RBFOX1: variants seen among roughly 807,000 people sequenced by gnomAD.
The protein encoded by RBFOX1 is RNA binding protein fox-1 homolog 1.
In RBFOX1, 8 loss-of-function variants were observed where a neutral mutation model predicts 57.7. The observed-to-expected ratio is 0.14, with a 90% confidence interval of 0.08 to 0.25. The LOEUF is 0.25. Ranked by LOEUF, RBFOX1 falls within the 10% of genes least tolerant of loss-of-function variation. The pLI is 1.00. For missense variants in RBFOX1, 611 were observed against 548.5 expected (o/e 1.11, Z -1.14); for synonymous variants, 326 against 222.4 (o/e 1.47, Z -4.15).
At chr16:6,813,219 A>C (rs1473153251) in intron 3 of RBFOX1, among the ~76,000 whole-genome samples, 1 of 152,090 alleles carries the variant, frequency 6.6e-6, no homozygotes, top group Non-Finnish European at 1.5e-5. Context: ...TTGGCTAATT[A>C]CTGAAATTTA....
chr16:7,443,857 C>T (rs547845007), intron 4 of RBFOX1, among the ~76,000 whole-genome samples: 4 of 152,270 alleles, frequency 2.6e-5, no homozygotes, highest in African/African-American at 9.6e-5. Flanking sequence ...TAGGGATGCA[C>T]GTGGCGTGAA....
At chr16:7,232,548 A>G (rs1205923548) in intron 4 of RBFOX1, among the ~76,000 whole-genome samples, 2 of 152,152 alleles carry the variant, frequency 1.3e-5, no homozygotes, top group East Asian at 1.9e-4. Context: ...CTTTTAAAGA[A>G]TGAGATAACA....
chr16:5,843,153 A>G (rs1327475862), intron 3 of RBFOX1, among the ~76,000 whole-genome samples: 1 of 152,058 alleles, frequency 6.6e-6, no homozygotes. Flanking sequence ...ATCTTTCATT[A>G]TAGGTTCAGG....
At position 6,987,039 on chromosome 16, in the gene RBFOX1, G is replaced by A. The variant is rs570586167; in HGVS notation, c.-15-65018G>A. Reference sequence around the variant, plus strand: ...GAGTGGAATGAAACTTGCAAATAAGGCCTTGTGGAGAGCCTGCCCTCTTCC... The same window carrying A: ...GAGTGGAATGAAACTTGCAAATAAGACCTTGTGGAGAGCCTGCCCTCTTCC... On this transcript the variant is annotated intron_variant, in intron 3 of 15. Transcript: ENST00000550418. Among the ~76,000 whole-genome samples the A allele has an allele frequency of 5.9e-5, 9 of 152,180 alleles. 1 individual carries two copies. In the East Asian group the frequency reaches 1.7e-3, roughly 30 times the overall value.
rs375767593 is a variant in RBFOX1, at chr16:5,801,707, A to G, written c.319-65596A>G. ...TAATGGCAGGCACAATGTGCCTTTG[A>G]TAGAGATGAACCATCTGGTGGGTTT... On this transcript the variant is annotated intron_variant, in intron 3 of 19. Transcript: ENST00000641259. 5.3e-5 allele frequency among the ~76,000 whole-genome samples: 8 copies of G among 152,208 alleles called. No individual in the cohort carries two copies. The East Asian group carries it at 1.2e-3, about 22-fold the overall frequency.
At chr16:6,008,055 A>G (rs1468441008) in intron 4 of RBFOX1, among the ~76,000 whole-genome samples, 2 of 152,124 alleles carry the variant, frequency 1.3e-5, no homozygotes, top group African/African-American at 2.4e-5. Flanking sequence ...AACACAAAAC[A>G]TTAGCCAGGC....
At chr16:6,519,029 T>C (rs990675323) in intron 2 of RBFOX1, among the ~76,000 whole-genome samples, 11 of 151,820 alleles carry the variant, frequency 7.2e-5, no homozygotes, top group African/African-American at 2.2e-4. Context: ...TGTGAGAAGA[T>C]AAACACTTAA....
intron 4 of RBFOX1, among the ~76,000 whole-genome samples, chr16:7,110,187 CAAAAA>C (rs59148096): frequency 8.1e-5 from 11 of 135,144 alleles, no homozygotes; most frequent in East Asian, 2.2e-4. Context: ...CCCCGTGTCT[CAAAAA>C]AAAAAAAAAA....
At chr16:5,433,545 C>A (rs903403365) in intron 1 of RBFOX1, among the ~76,000 whole-genome samples, 8 of 152,060 alleles carry the variant, frequency 5.3e-5, no homozygotes, top group African/African-American at 1.2e-4. Flanking sequence ...GGGAGGGAGG[C>A]AGAGTAAGTG....
At chr16:5,533,668 G>C (rs1303933996) in intron 2 of RBFOX1, among the ~76,000 whole-genome samples, 1 of 152,116 alleles carries the variant, frequency 6.6e-6, no homozygotes, top group African/African-American at 2.4e-5. Flanking sequence ...GGTTCTCAAG[G>C]ATCCTAATTC....
chr16:6,838,302 G>T (rs1326581996), intron 3 of RBFOX1, among the ~76,000 whole-genome samples: 1 of 152,008 alleles, frequency 6.6e-6, no homozygotes, highest in East Asian at 1.9e-4. Flanking sequence ...TCCTGTGATG[G>T]TTTGCTGAGA....
At position 6,067,101 on chromosome 16, in the gene RBFOX1, C is replaced by G. The variant is rs568697692; in HGVS notation, c.-127+47109C>G. Among the ~76,000 whole-genome samples the G allele has an allele frequency of 2.9e-4, 44 of 152,240 alleles. No homozygotes were observed. In the South Asian group the frequency reaches 9.1e-3, roughly 32 times the overall value. Reference sequence around the variant, plus strand: ...GGAAAAGTCACTGCCGAGTCCCTCTCCCTCATGTTATAAGATTGAGTGTGT... The same window carrying G: ...GGAAAAGTCACTGCCGAGTCCCTCTGCCTCATGTTATAAGATTGAGTGTGT... On this transcript the variant is annotated intron_variant, in intron 1 of 15. Transcript: ENST00000550418.
At chr16:5,730,318 C>A (rs911164324) in intron 3 of RBFOX1, among the ~76,000 whole-genome samples, 16 of 152,140 alleles carry the variant, frequency 1.1e-4, no homozygotes, top group African/African-American at 2.9e-4. Flanking sequence ...GCTTCTCATG[C>A]CTGAGAAAAA....
At chr16:7,064,701 G>A (rs747290415) in intron 4 of RBFOX1, among the ~76,000 whole-genome samples, 17 of 152,084 alleles carry the variant, frequency 1.1e-4, no homozygotes, top group Admixed American at 3.9e-4. Flanking sequence ...CCTAGCAAAC[G>A]CACATCTAAA....
At chr16:6,653,707 A>T (rs2098619756) in intron 2 of RBFOX1, among the ~76,000 whole-genome samples, 1 of 150,900 alleles carries the variant, frequency 6.6e-6, no homozygotes, top group South Asian at 2.1e-4. Context: ...GGAAAGATGG[A>T]TGAATAGATG....
At chr16:7,572,199 C>G (rs1040550822) in intron 5 of RBFOX1, among the ~76,000 whole-genome samples, 2 of 152,186 alleles carry the variant, frequency 1.3e-5, no homozygotes, top group Admixed American at 1.3e-4. Flanking sequence ...ATACAAGGGA[C>G]TTAACCATTC....
intron 3 of RBFOX1, among the ~76,000 whole-genome samples, chr16:7,040,338 A>G (rs1005667528): frequency 3.3e-5 from 5 of 152,112 alleles, no homozygotes; most frequent in Admixed American, 1.3e-4. Context: ...TATAGCCACC[A>G]TTAATCACAT....
At chr16:6,517,144 G>A (rs1464803725) in intron 2 of RBFOX1, among the ~76,000 whole-genome samples, 1 of 152,134 alleles carries the variant, frequency 6.6e-6, no homozygotes, top group African/African-American at 2.4e-5. Flanking sequence ...ACATTTCCCA[G>A]TACATGCTGG....
At chr16:7,364,969 C>A (rs969401142) in intron 4 of RBFOX1, among the ~76,000 whole-genome samples, 1 of 152,142 alleles carries the variant, frequency 6.6e-6, no homozygotes. Context: ...TTCTTGAGAC[C>A]TACAATGATC....
Sources: gnomAD v4.1 joint callset for allele counts (sites outside exome capture counted in the v4.1 genomes callset) on GRCh38, gnomAD v4.1.1 for gene constraint, MANE v1.5 for transcripts, NCBI Gene and HGNC (gene_info 2026-07-23, HGNC 2026-07-21) for gene names.